The following ADAMTSL3 variants were observed in gnomAD, a reference collection of about 807,000 sequenced individuals.
The protein encoded by ADAMTSL3 is ADAMTS-like protein 3.
A neutral mutation model predicts 201.7 loss-of-function variants in ADAMTSL3; 128 were observed. The ratio of observed to expected loss-of-function variants is 0.63; its 90% CI spans 0.55 to 0.73. The LOEUF (loss-of-function observed/expected upper bound fraction) is 0.73. Among genes scored for constraint, ADAMTSL3 ranks in the 30% least tolerant of loss-of-function variants. ADAMTSL3 has a pLI of 0.00. For synonymous variants in ADAMTSL3, 738 were observed against 748.4 expected, an observed-to-expected ratio of 0.99 and a Z score of 0.23; for missense variants, 1,990 against 2,119.6, an observed-to-expected ratio of 0.94 and a Z score of 1.20.
intron 2 of ADAMTSL3, among the ~76,000 whole-genome samples, chr15:83,660,230 G>A (rs2061143933): frequency 6.6e-6 from 1 of 152,126 alleles, no homozygotes; most frequent in Admixed American, 6.5e-5. Context: ...GCTTAGTCCA[G>A]GCCTCTTATT....
Position 83,858,878 on chromosome 15 carries a change from G to T in ADAMTSL3, c.802+38G>T, listed in dbSNP as rs367777513. The T allele has an allele frequency of 4.4e-4, 676 of 1,526,772 alleles. 2 individuals are homozygous for T. The African/African-American group carries it at 8.9e-3, about 20-fold the overall frequency. The allele number at this position is 1,526,772 out of a possible 1,614,324, so 94.6% of individuals were successfully genotyped here. ...TAATCTTAACATTTTTTAATATCCT[G>T]AAAGTTTAGTTAGCCAAAAAAAACA... On this transcript the variant is annotated intron_variant, in intron 8 of 29. Transcript: ENST00000286744.
intron 6 of ADAMTSL3, among the ~76,000 whole-genome samples, chr15:83,833,366 A>G (rs193184318): frequency 3.3e-5 from 5 of 152,292 alleles, no homozygotes; most frequent in African/African-American, 1.2e-4. Context: ...CTCACATGGC[A>G]GAAGGGATGA....
At chr15:83,822,443 CG>C (rs2063899055) in intron 6 of ADAMTSL3, among the ~76,000 whole-genome samples, 1 of 140,556 alleles carries the variant, frequency 7.1e-6, no homozygotes, top group African/African-American at 2.8e-5. Flanking sequence ...TCAGACGGGG[CG>C]GTTGCCAGGC....
chr15:84,006,818 T>A (rs2067903439), intron 23 of ADAMTSL3, among the ~76,000 whole-genome samples: 1 of 152,232 alleles, frequency 6.6e-6, no homozygotes, highest in Non-Finnish European at 1.5e-5. Flanking sequence ...TTGAAAATGT[T>A]TACACGTGTA....
chr15:83,819,768 C>G (rs2063829300), intron 5 of ADAMTSL3, 43 bp from the exon 6 acceptor site: 1 of 1,502,104 alleles, frequency 6.7e-7, no homozygotes, highest in Non-Finnish European at 9.3e-7. Flanking sequence ...CTTGGCCTCT[C>G]TCACTGGGTG....
chr15:83,821,903 G>A (rs1482798211), intron 6 of ADAMTSL3, among the ~76,000 whole-genome samples: 9 of 145,504 alleles, frequency 6.2e-5, no homozygotes, highest in East Asian at 2.1e-4. Flanking sequence ...CGGATGGGGC[G>A]GCTGGCCGGG....
intron 5 of ADAMTSL3, among the ~76,000 whole-genome samples, chr15:83,816,428 C>T (rs1034325519): frequency 3.3e-5 from 5 of 152,162 alleles, no homozygotes; most frequent in African/African-American, 4.8e-5. Flanking sequence ...AGGTGTCTTC[C>T]GCTAATTAAC....
chr15:84,013,943 C>T (rs2068045717), intron 23 of ADAMTSL3, among the ~76,000 whole-genome samples: 1 of 152,138 alleles, frequency 6.6e-6, no homozygotes, highest in Non-Finnish European at 1.5e-5. Flanking sequence ...GCTTACAGTC[C>T]CTGCATCTCA....
chr15:83,948,011 T>C (rs968914363), intron 19 of ADAMTSL3, among the ~76,000 whole-genome samples: 14 of 152,174 alleles, frequency 9.2e-5, no homozygotes, highest in African/African-American at 3.4e-4. Flanking sequence ...ACCTCCTATA[T>C]TGTTATTCGT....
At position 84,025,365 on chromosome 15, in the gene ADAMTSL3, C is replaced by T. The variant is rs763752928; in HGVS notation, c.4585C>T (p.Pro1529Ser). The change falls in exon 27 of 30, where the codon CCT becomes TCT. Residue 1529 changes from proline to serine, a missense_variant. Physicochemically the swap from Pro to Ser is moderately conservative, Grantham distance 74 (BLOSUM62 -1). Coordinates refer to ENST00000286744, the MANE Select transcript of ADAMTSL3 (RefSeq NM_207517.3). Reference sequence around the variant, plus strand: ...GGTGGTGTCTCCAAGAGCATGTGCCCCTAAAGACCGGCCTCTGGGAAGAAA... The same window carrying T: ...GGTGGTGTCTCCAAGAGCATGTGCCTCTAAAGACCGGCCTCTGGGAAGAAA... Reference protein sequence around the residue: ...VQVVSPRACAPKDRPLGRKPC... With the variant: ...VQVVSPRACASKDRPLGRKPC... 103 of 1,613,928 alleles carry T rather than the reference C, an allele frequency of 6.4e-5. No individual in the cohort carries two copies. Among genetic ancestry groups the T allele is most frequent in the Non-Finnish European group, 8.1e-5 (96 of 1,180,014 alleles).
At chr15:84,005,363 A>G (rs1044731830) in intron 23 of ADAMTSL3, among the ~76,000 whole-genome samples, 2 of 152,218 alleles carry the variant, frequency 1.3e-5, no homozygotes, top group Non-Finnish European at 1.5e-5. Context: ...AGGAATGTCC[A>G]TGGTTCTCCC....
intron 4 of ADAMTSL3, among the ~76,000 whole-genome samples, chr15:83,786,130 C>T (rs773645017): frequency 2.6e-5 from 4 of 152,154 alleles, no homozygotes; most frequent in Non-Finnish European, 5.9e-5. Context: ...GTGTGCACCA[C>T]CACATCCACC....
At chr15:83,788,954 C>T (rs1316623894) in intron 4 of ADAMTSL3, among the ~76,000 whole-genome samples, 1 of 152,138 alleles carries the variant, frequency 6.6e-6, no homozygotes, top group Non-Finnish European at 1.5e-5. Flanking sequence ...TGACTACAGG[C>T]ACGTGCCACC....
chr15:83,763,435 T>C (rs920373943), intron 3 of ADAMTSL3, among the ~76,000 whole-genome samples: 2 of 150,534 alleles, frequency 1.3e-5, no homozygotes, highest in African/African-American at 4.9e-5. Flanking sequence ...TGAGACAGGG[T>C]CTCACTCTAG....
intron 24 of ADAMTSL3, 44 bp downstream of exon 24, chr15:84,014,768 A>G: frequency 1.3e-6 from 2 of 1,550,406 alleles, no homozygotes; most frequent in Non-Finnish European, 1.7e-6. Context: ...CTCCTGTAAT[A>G]TGCACAAAGT....
chr15:83,847,860 CT>C (rs113324910), intron 7 of ADAMTSL3, among the ~76,000 whole-genome samples: 151 of 143,468 alleles, frequency 1.1e-3, no homozygotes, highest in Middle Eastern at 3.6e-3. Context: ...TTAACAAACA[CT>C]TTTTTTTTTT....
chr15:83,811,590 C>T (rs951714743), intron 5 of ADAMTSL3, among the ~76,000 whole-genome samples: 5 of 152,142 alleles, frequency 3.3e-5, no homozygotes, highest in Admixed American at 6.5e-5. Flanking sequence ...ATATGATGCC[C>T]CTGAAGCTCT....
chr15:83,905,224 G>C (rs2065809734), intron 15 of ADAMTSL3, among the ~76,000 whole-genome samples: 2 of 152,224 alleles, frequency 1.3e-5, no homozygotes, highest in South Asian at 4.1e-4. Flanking sequence ...TAATGGAGTA[G>C]ACAGAGAAGT....
intron 19 of ADAMTSL3, among the ~76,000 whole-genome samples, chr15:83,948,559 T>C (rs113119248): frequency 2.5e-4 from 38 of 152,184 alleles, no homozygotes; most frequent in Non-Finnish European, 5.3e-4. Flanking sequence ...TTGGTTGGGC[T>C]TCCTTAAGAC....
Sources: gnomAD v4.1 joint callset for allele counts (sites outside exome capture counted in the v4.1 genomes callset) on GRCh38, gnomAD v4.1.1 for gene constraint, MANE v1.5 for transcripts, NCBI Gene and HGNC (gene_info 2026-07-23, HGNC 2026-07-21) for gene names.